The following SYTL4 variants were observed in gnomAD, a reference collection of about 807,000 sequenced individuals.
The protein encoded by SYTL4 is synaptotagmin-like protein 4.
SYTL4 carries 16 observed loss-of-function variants against 52.7 expected under a neutral mutation model. The observed-to-expected ratio is 0.30, with a 90% CI of 0.21 to 0.46. The LOEUF (loss-of-function observed/expected upper bound fraction) is 0.46, where lower values mean the gene tolerates loss of function less well. SYTL4 is among the 20% of genes least tolerant of loss of function. SYTL4 has a pLI of 1.00. For missense variants in SYTL4, 423 were observed against 519.9 expected, an observed-to-expected ratio of 0.81 and a Z score of 1.81; for synonymous variants, 160 against 186.6, an observed-to-expected ratio of 0.86 and a Z score of 1.16.
chrX:100,714,481 G>A (rs893484037), intron 2 of SYTL4, among the ~76,000 whole-genome samples: 4 of 111,100 alleles, frequency 3.6e-5, no homozygotes, highest in Non-Finnish European at 7.5e-5. Flanking sequence ...GGATGGTCTC[G>A]ATCTCCTGAC....
chrX:100,681,094 G>T, intron 17 of SYTL4, 133 bp downstream of exon 17: 1 of 504,369 alleles, frequency 2.0e-6, no homozygotes, highest in Non-Finnish European at 3.5e-6. Flanking sequence ...CCTTAGTAAA[G>T]GAATCTCCCT....
At chrX:100,680,832 T>A (rs2083359439) in intron 17 of SYTL4, among the ~76,000 whole-genome samples, 1 of 111,349 alleles carries the variant, frequency 9.0e-6, no homozygotes, top group African/African-American at 3.3e-5. Flanking sequence ...GTTTTACTCA[T>A]CTACACAACC....
intron 19 of SYTL4, among the ~76,000 whole-genome samples, chrX:100,677,917 T>C (rs1236089423): frequency 2.7e-5 from 3 of 111,351 alleles, no homozygotes; most frequent in Admixed American, 9.5e-5. Context: ...TTTCATAAGA[T>C]TGGAAATACC....
Position 100,674,979 on chromosome X carries a change from T to A in SYTL4, c.*1049A>T, listed in dbSNP as rs1191494034. ...ACAGGGAGACTCTGTCTACATTCCC[T>A]TAGAGCCCTTAACAGTCCCCAGCCT... On this transcript the variant is annotated 3_prime_UTR_variant, in exon 20 of 20. Coordinates refer to ENST00000372989, the MANE Select transcript of SYTL4 (RefSeq NM_001370165.1). The A allele has an allele frequency of 2.7e-5, 3 of 111,974 alleles. No individual in the cohort carries two copies. Among genetic ancestry groups the A allele is most frequent in the African/African-American group, 9.8e-5 (3 of 30,769 alleles). The allele number at this position is 111,974 out of a possible 1,213,427, so 9.2% of individuals were successfully genotyped here.
intron 10 of SYTL4, 131 bp downstream of exon 10, chrX:100,690,428 TGGAG>T: frequency 2.7e-5 from 9 of 339,519 alleles, no homozygotes; most frequent in African/African-American, 3.7e-5. Flanking sequence ...CCTAAGAGAA[TGGAG>T]GGAGGGAGGG....
chrX:100,685,970 G>A lies in SYTL4; in HGVS notation c.1449+20C>T, dbSNP rs1040371964. ...ATTCTACCTCAGATCCAAACTGCAG[G>A]AGTTGTTAAAGCAGACTACCTTTCC... is the stretch of plus-strand genomic sequence containing the variant. On this transcript the variant is annotated intron_variant, in intron 16 of 19. Coordinates refer to ENST00000372989, the MANE Select transcript of SYTL4 (RefSeq NM_001370165.1). 17 of 1,179,633 alleles carry A rather than the reference G, an allele frequency of 1.4e-5. No individual in the cohort carries two copies. The highest frequency in any genetic ancestry group is 1.8e-5 in the Non-Finnish European group (16 of 878,861).
chrX:100,681,340 AAC>A lies in SYTL4; in HGVS notation c.1450-7_1450-6del. ...AGTCGGGGACTCAGCACTGATCTGA[AAC>A]ACAGGGAAACCCAACAGGTCAAGCT... On this transcript the variant is annotated splice_region_variant and splice_polypyrimidine_tract_variant and intron_variant, in intron 16 of 19. Coordinates refer to ENST00000372989, the MANE Select transcript of SYTL4 (RefSeq NM_001370165.1). The A allele has an allele frequency of 8.5e-7, 1 of 1,177,460 alleles. No homozygotes were observed. Among genetic ancestry groups the A allele is most frequent in the Non-Finnish European group, 1.2e-6 (1 of 866,363 alleles).
At chrX:100,723,994 C>T (rs975045246) in intron 2 of SYTL4, among the ~76,000 whole-genome samples, 5 of 101,015 alleles carry the variant, frequency 4.9e-5, no homozygotes, top group Admixed American at 2.0e-4. Context: ...CCCGGCCAGC[C>T]GCCCCGTCCG....
At chrX:100,692,962 T>A (rs2083630694) in intron 8 of SYTL4, among the ~76,000 whole-genome samples, 1 of 111,250 alleles carries the variant, frequency 9.0e-6, no homozygotes, top group African/African-American at 3.3e-5. Context: ...TGAGATGGAG[T>A]CTCTGTCACC....
At chrX:100,709,358 C>T (rs1415098372) in intron 2 of SYTL4, among the ~76,000 whole-genome samples, 2 of 110,742 alleles carry the variant, frequency 1.8e-5, no homozygotes, top group Non-Finnish European at 3.8e-5. Context: ...AAAAAATTAG[C>T]CAGGCATGGT....
intron 2 of SYTL4, among the ~76,000 whole-genome samples, chrX:100,728,453 A>G (rs964850973): frequency 1.3e-4 from 15 of 112,093 alleles, no homozygotes; most frequent in Non-Finnish European, 2.3e-4. Context: ...GCTTTTCCAT[A>G]AAGTTCCATA....
Position 100,690,515 on chromosome X carries a change from A to G in SYTL4, c.717+48T>C, listed in dbSNP as rs2083574973. 3 of 1,038,801 alleles carry G rather than the reference A, an allele frequency of 2.9e-6. No individual in the cohort carries two copies. In the Admixed American group the frequency reaches 6.8e-5, roughly 24 times the overall value. 85.6% of individuals were successfully genotyped at this position (1,038,801 alleles called of 1,213,427 possible). ...GAGGGAGACAGGAGGTAAAGGAGAA[A>G]GGGAAGGAAGGGAGGGGAGGAAGGT... On this transcript the variant is annotated intron_variant, in intron 10 of 19. Coordinates refer to ENST00000372989, the MANE Select transcript of SYTL4 (RefSeq NM_001370165.1).
At chrX:100,696,370 T>A (rs745455866) in intron 8 of SYTL4, among the ~76,000 whole-genome samples, 3 of 112,379 alleles carry the variant, frequency 2.7e-5, no homozygotes, top group South Asian at 3.7e-4. Flanking sequence ...AAATTTTTTT[T>A]AAATCCAGTT....
intron 2 of SYTL4, among the ~76,000 whole-genome samples, chrX:100,722,255 A>AT (rs2084357500): frequency 9.0e-6 from 1 of 110,690 alleles, no homozygotes; most frequent in South Asian, 3.8e-4. Context: ...AGAAAAAAAA[A>AT]TCACACTCTG....
At chrX:100,692,216 C>A (rs2083612842) in intron 8 of SYTL4, among the ~76,000 whole-genome samples, 2 of 111,774 alleles carry the variant, frequency 1.8e-5, no homozygotes, top group African/African-American at 6.5e-5. Flanking sequence ...CCATAGCATC[C>A]TGATTTCCTA....
At chrX:100,678,310 G>A in intron 19 of SYTL4, 81 bp downstream of exon 19, 1 of 697,787 alleles carries the variant, frequency 1.4e-6, no homozygotes, top group Non-Finnish European at 2.2e-6. Flanking sequence ...GAGGAGCTTT[G>A]TGTTGGGGGG....
chrX:100,698,593 G>A (rs866268083), intron 8 of SYTL4, among the ~76,000 whole-genome samples: 1 of 111,704 alleles, frequency 9.0e-6, no homozygotes, highest in Non-Finnish European at 1.9e-5. Flanking sequence ...AACATTCTGA[G>A]GGAAAGAAAA....
At chrX:100,714,548 C>A (rs192652476) in intron 2 of SYTL4, among the ~76,000 whole-genome samples, 1 of 106,032 alleles carries the variant, frequency 9.4e-6, no homozygotes, top group Non-Finnish European at 1.9e-5. Context: ...CGTGAGCCAC[C>A]GTGCCTGGCC....
At chrX:100,679,973 T>C (rs2083343818) in intron 17 of SYTL4, among the ~76,000 whole-genome samples, 1 of 112,055 alleles carries the variant, frequency 8.9e-6, no homozygotes, top group Admixed American at 9.4e-5. Flanking sequence ...TAACCTTATC[T>C]CTTCTTCAAG....
Sources: allele counts gnomAD v4.1 joint callset (sites outside exome capture counted in the v4.1 genomes callset), GRCh38; gene constraint gnomAD v4.1.1; transcripts MANE v1.5; gene names NCBI Gene and HGNC (gene_info 2026-07-23, HGNC 2026-07-21).